GALNTL5: variants seen among roughly 807,000 people sequenced by gnomAD.
GALNTL5 encodes the protein inactive polypeptide N-acetylgalactosaminyltransferase-like protein 5.
Under a neutral mutation model 51.0 loss-of-function variants are expected in GALNTL5, and 44 were observed. The observed-to-expected ratio is 0.86, with a 90% confidence interval of 0.68 to 1.11. The LOEUF is 1.11. GALNTL5 is among the 50% of genes least tolerant of loss of function. GALNTL5 has a pLI of 0.00. For synonymous variants in GALNTL5, 192 were observed against 182.8 expected (o/e 1.05, Z -0.41); for missense variants, 528 against 531.8 (o/e 0.99, Z 0.07).
chr7:151,983,822 A>T (rs547451721), intron 4 of GALNTL5, among the ~76,000 whole-genome samples: 44 of 152,276 alleles, frequency 2.9e-4, no homozygotes, highest in Non-Finnish European at 4.3e-4. Flanking sequence ...GAGGTAAGAG[A>T]AGCCATAGAG....
intron 7 of GALNTL5, among the ~76,000 whole-genome samples, chr7:152,010,344 C>G (rs543223018): frequency 6.6e-6 from 1 of 152,254 alleles, no homozygotes; most frequent in Admixed American, 6.5e-5. Context: ...ATCTTCTGAC[C>G]TTGTGATCCG....
At chr7:152,003,654 A>G (rs1033280101) in intron 6 of GALNTL5, among the ~76,000 whole-genome samples, 3 of 152,108 alleles carry the variant, frequency 2.0e-5, no homozygotes, top group African/African-American at 7.3e-5. Flanking sequence ...ACAAAAGTGT[A>G]CTTTATTGTA....
chr7:152,016,849 A>G (rs996907083), intron 8 of GALNTL5, among the ~76,000 whole-genome samples: 4 of 152,038 alleles, frequency 2.6e-5, no homozygotes, highest in African/African-American at 7.2e-5. Context: ...AGCCTGGCCA[A>G]TGTGGTGAAA....
chr7:151,980,247 C>T (rs1176467139), intron 3 of GALNTL5, among the ~76,000 whole-genome samples: 1 of 152,138 alleles, frequency 6.6e-6, no homozygotes, highest in Non-Finnish European at 1.5e-5. Context: ...CCACGCCCAG[C>T]TAATTTTTGT....
chr7:151,960,830 C>T (rs2080982977), intron 1 of GALNTL5: 2 of 152,316 alleles, frequency 1.3e-5, no homozygotes, highest in African/African-American at 4.8e-5. Flanking sequence ...AAGGCGGTGT[C>T]TCGGTAGCGC....
chr7:151,987,082 A>G, intron 4 of GALNTL5, 77 bp from the exon 5 acceptor site: 1 of 1,247,466 alleles, frequency 8.0e-7, no homozygotes. Context: ...TTTTAGGAAT[A>G]CGTCATAATG....
intron 6 of GALNTL5, among the ~76,000 whole-genome samples, chr7:152,006,561 A>G (rs2081645935): frequency 6.6e-6 from 1 of 152,192 alleles, no homozygotes; most frequent in Non-Finnish European, 1.5e-5. Flanking sequence ...AAAATATGCC[A>G]GGAATTCAAC....
chr7:151,963,904 T>C (rs57618966), intron 1 of GALNTL5, among the ~76,000 whole-genome samples: 72 of 152,348 alleles, frequency 4.7e-4, no homozygotes, highest in African/African-American at 1.7e-3. Context: ...ATTTGCATTT[T>C]CTTTCCTTCT....
At chr7:152,018,904 C>G (rs539866690) in intron 8 of GALNTL5, among the ~76,000 whole-genome samples, 3 of 152,148 alleles carry the variant, frequency 2.0e-5, no homozygotes, top group Non-Finnish European at 4.4e-5. Context: ...GAATGCCAGG[C>G]CTGGGAAAAC....
At chr7:152,000,461 C>T (rs2081559625) in intron 5 of GALNTL5, among the ~76,000 whole-genome samples, 1 of 152,216 alleles carries the variant, frequency 6.6e-6, no homozygotes, top group Non-Finnish European at 1.5e-5. Context: ...AGAACTCAGC[C>T]CAGAGAGTGC....
chr7:151,981,354 C>T (rs1350160484), intron 3 of GALNTL5, among the ~76,000 whole-genome samples: 2 of 152,152 alleles, frequency 1.3e-5, no homozygotes, highest in Non-Finnish European at 2.9e-5. Context: ...TAATTCATTG[C>T]ATCTTCACAG....
chr7:151,961,066 C>T (rs1230158815), intron 1 of GALNTL5, among the ~76,000 whole-genome samples: 2 of 152,122 alleles, frequency 1.3e-5, no homozygotes, highest in Non-Finnish European at 2.9e-5. Context: ...GGGGCGTGTG[C>T]CTATAGCTCC....
At chr7:151,986,455 C>A (rs1024884496) in intron 4 of GALNTL5, among the ~76,000 whole-genome samples, 2 of 152,072 alleles carry the variant, frequency 1.3e-5, no homozygotes, top group African/African-American at 4.8e-5. Flanking sequence ...GGCAATGTAG[C>A]AAGACCCTAT....
At chr7:151,977,070 A>G (rs1479826808) in intron 3 of GALNTL5, among the ~76,000 whole-genome samples, 3 of 152,208 alleles carry the variant, frequency 2.0e-5, no homozygotes, top group Non-Finnish European at 4.4e-5. Context: ...CTTAATAGGT[A>G]CATTATACAA....
At chr7:151,966,766 T>C (rs2081065948) in intron 1 of GALNTL5, among the ~76,000 whole-genome samples, 1 of 152,218 alleles carries the variant, frequency 6.6e-6, no homozygotes, top group African/African-American at 2.4e-5. Context: ...CATTGTGCCA[T>C]TCATCAGTGG....
At position 151,983,093 on chromosome 7, in the gene GALNTL5, A is replaced by C; in HGVS notation, c.476A>C (p.Asn159Thr). 6.2e-7 allele frequency: 1 copy of C among 1,614,148 alleles called. No individual in the cohort carries two copies. Among genetic ancestry groups the C allele is most frequent in the Non-Finnish European group, 8.5e-7 (1 of 1,180,012 alleles). The part of the protein sequence containing the change: ...ALFQTMSSVT[N>T]LTPHYFLEEI... ...TTTCAGACCATGTCCAGTGTCACGA[A>C]CCTCACGCCACACTATTTTCTTGAA... The change falls in exon 4 of 9, where the codon AAC (asparagine) becomes ACC (threonine). Residue 159 changes from asparagine (N) to threonine (T), a missense_variant. By Grantham distance (65) the Asn-to-Thr change is moderately conservative (BLOSUM62 0). Coordinates refer to ENST00000392800, the MANE Select transcript of GALNTL5 (RefSeq NM_145292.4).
chr7:151,972,644 CA>C (rs1345259672), intron 3 of GALNTL5, among the ~76,000 whole-genome samples: 1 of 152,152 alleles, frequency 6.6e-6, no homozygotes, highest in Non-Finnish European at 1.5e-5. Flanking sequence ...CAGCCATGGC[CA>C]AAAGGGACCA....
intron 5 of GALNTL5, among the ~76,000 whole-genome samples, chr7:151,997,426 A>G (rs550134311): frequency 6.6e-6 from 1 of 152,358 alleles, no homozygotes. Flanking sequence ...TGTGAAGGAG[A>G]GAAATCAGCT....
At chr7:151,979,258 C>T (rs1286527846) in intron 3 of GALNTL5, among the ~76,000 whole-genome samples, 6 of 147,168 alleles carry the variant, frequency 4.1e-5, no homozygotes, top group East Asian at 4.0e-4. Context: ...CACAGGTGCC[C>T]GCCACCACGC....
Sources: gnomAD v4.1 joint callset for allele counts (sites outside exome capture counted in the v4.1 genomes callset) on GRCh38, gnomAD v4.1.1 for gene constraint, MANE v1.5 for transcripts, NCBI Gene and HGNC (gene_info 2026-07-23, HGNC 2026-07-21) for gene names.